The following TMEM217B variants were observed in gnomAD, a reference collection of about 807,000 sequenced individuals.
TMEM217B encodes the protein transmembrane protein 217B.
the TMEM217B span, among the ~76,000 whole-genome samples, chr6:37,237,978 T>C: frequency 1.3e-5 from 2 of 152,166 alleles, no homozygotes; most frequent in African/African-American, 4.8e-5. Flanking sequence ...TACAGCCAGA[T>C]GCAAATTGCT....
chr6:37,249,806 G>A, the TMEM217B span, among the ~76,000 whole-genome samples: 40 of 152,318 alleles, frequency 2.6e-4, 1 homozygote, highest in South Asian at 7.9e-3. Flanking sequence ...GGTTGGAAGT[G>A]TAAAGTAGTA....
chr6:37,220,378 A>G, the TMEM217B span, among the ~76,000 whole-genome samples: 7 of 152,180 alleles, frequency 4.6e-5, no homozygotes, highest in African/African-American at 1.7e-4. Flanking sequence ...AGTCTTTCCT[A>G]TATTAGTTGT....
At chr6:37,229,275 T>G in the TMEM217B span, among the ~76,000 whole-genome samples, 1 of 148,262 alleles carries the variant, frequency 6.7e-6, no homozygotes. Flanking sequence ...CCTTGTCCTG[T>G]GGGAGGTCGC....
the TMEM217B span, among the ~76,000 whole-genome samples, chr6:37,252,984 A>T: frequency 6.6e-6 from 1 of 152,138 alleles, no homozygotes; most frequent in Non-Finnish European, 1.5e-5. Context: ...ATTAAAGAAA[A>T]GTTCCAGAAG....
the TMEM217B span, chr6:37,258,076 G>T: frequency 7.5e-7 from 1 of 1,340,952 alleles, no homozygotes; most frequent in Non-Finnish European, 1.0e-6. Context: ...CCAGAAGACT[G>T]GTTTGGGGAA....
the TMEM217B span, among the ~76,000 whole-genome samples, chr6:37,239,292 TAGCCTGGG>T: frequency 6.6e-6 from 1 of 152,072 alleles, no homozygotes; most frequent in African/African-American, 2.4e-5. Flanking sequence ...AGTTTGAGAC[TAGCCTGGG>T]CAAGATGGCA....
At chr6:37,224,966 T>C in the TMEM217B span, among the ~76,000 whole-genome samples, 3 of 150,898 alleles carry the variant, frequency 2.0e-5, no homozygotes, top group Admixed American at 2.0e-4. Context: ...ATTGCTTGAG[T>C]ACAGGAGTTC....
chr6:37,213,749 C>T, the TMEM217B span, among the ~76,000 whole-genome samples: 1 of 152,242 alleles, frequency 6.6e-6, no homozygotes, highest in Non-Finnish European at 1.5e-5. Context: ...AATGGGGGAC[C>T]TAAGGCTGGA....
chr6:37,241,627 G>C, the TMEM217B span, among the ~76,000 whole-genome samples: 3 of 152,170 alleles, frequency 2.0e-5, no homozygotes, highest in Non-Finnish European at 4.4e-5. Context: ...TCTGGATTCT[G>C]GGTCATCCCT....
the TMEM217B span, among the ~76,000 whole-genome samples, chr6:37,224,751 T>C: frequency 1.9e-4 from 29 of 152,228 alleles, 2 homozygotes; most frequent in South Asian, 6.0e-3. Context: ...CCACTGTAAA[T>C]ATTTTTCTAA....
chr6:37,238,590 C>T, the TMEM217B span, among the ~76,000 whole-genome samples: 14 of 152,180 alleles, frequency 9.2e-5, no homozygotes, highest in Admixed American at 9.2e-4. Flanking sequence ...TCTAGGAAGA[C>T]TTTTGCCTTT....
the TMEM217B span, chr6:37,217,677 G>A: frequency 6.1e-6 from 6 of 985,060 alleles, no homozygotes; most frequent in African/African-American, 1.0e-4. Flanking sequence ...TTCTTATCTG[G>A]AATAAAACAG....
chr6:37,238,713 A>C, the TMEM217B span, among the ~76,000 whole-genome samples: 1 of 152,272 alleles, frequency 6.6e-6, no homozygotes, highest in African/African-American at 2.4e-5. Flanking sequence ...TGAAGCAACA[A>C]GCATGAAGAC....
chr6:37,237,608 A>G, the TMEM217B span, among the ~76,000 whole-genome samples: 1 of 152,250 alleles, frequency 6.6e-6, no homozygotes, highest in African/African-American at 2.4e-5. Flanking sequence ...GAGAAAATCA[A>G]TAAGAATGTT....
chr6:37,255,605 G>T, the TMEM217B span, among the ~76,000 whole-genome samples: 77 of 151,866 alleles, frequency 5.1e-4, 1 homozygote, highest in East Asian at 0.015. Context: ...GATTGCTTGA[G>T]CCCAGGAGAT....
chr6:37,257,777 C>G, the TMEM217B span: 1 of 913,818 alleles, frequency 1.1e-6, no homozygotes, highest in African/African-American at 1.7e-5. Context: ...TGCCCACATC[C>G]AAGATGGCGT....
At chr6:37,257,906 C>G in the TMEM217B span, 3 of 1,613,206 alleles carry the variant, frequency 1.9e-6, no homozygotes, top group African/African-American at 1.3e-5. Flanking sequence ...AGGACTTCCC[C>G]CGGCCAGAGC....
the TMEM217B span, among the ~76,000 whole-genome samples, chr6:37,215,906 A>G: frequency 6.6e-6 from 1 of 152,080 alleles, no homozygotes; most frequent in Admixed American, 6.6e-5. Flanking sequence ...AAGGCTGTAT[A>G]TGTTGGCAGG....
At chr6:37,215,570 C>CGAAAAAAAAAAAAAAAA in the TMEM217B span, among the ~76,000 whole-genome samples, 1 of 72,368 alleles carries the variant, frequency 1.4e-5, no homozygotes. Flanking sequence ...GACTCTGTCT[C>CGAAAAAAAAAAAAAAAA]AAAAAAAAAA....
Sources: allele counts gnomAD v4.1 joint callset (sites outside exome capture counted in the v4.1 genomes callset), GRCh38; gene constraint gnomAD v4.1.1; transcripts MANE v1.5; gene names NCBI Gene and HGNC (gene_info 2026-07-23, HGNC 2026-07-21).